CTNNA2: variants seen among roughly 807,000 people sequenced by gnomAD.
CTNNA2 encodes catenin alpha 2.
CTNNA2 carries 42 observed loss-of-function variants against 101.0 expected under a neutral mutation model. The ratio of observed to expected loss-of-function variants is 0.42; its 90% confidence interval spans 0.32 to 0.54. CTNNA2 has a LOEUF of 0.54. Among genes scored for constraint, CTNNA2 ranks in the 20% least tolerant of loss-of-function variants. The probability of loss-of-function intolerance (pLI) is 0.14; values close to 1 mark genes in which losing one functional copy is unlikely to be tolerated. For missense variants in CTNNA2, 871 were observed against 1,223.1 expected, an observed-to-expected ratio of 0.71 and a Z score of 4.29; for synonymous variants, 450 against 456.4, an observed-to-expected ratio of 0.99 and a Z score of 0.18.
chr2:79,999,283 A>G (rs1467667184), intron 7 of CTNNA2, among the ~76,000 whole-genome samples: 1 of 152,176 alleles, frequency 6.6e-6, no homozygotes, highest in African/African-American at 2.4e-5. Flanking sequence ...GCTGCAAGCC[A>G]TCTCACTGCC....
intron 11 of CTNNA2, among the ~76,000 whole-genome samples, chr2:80,552,783 A>G (rs1297255426): frequency 6.6e-6 from 1 of 152,218 alleles, no homozygotes; most frequent in Non-Finnish European, 1.5e-5. Context: ...GTGTATCTAA[A>G]CATGTATAAA....
chr2:80,237,768 C>T (rs1387613318), intron 7 of CTNNA2, among the ~76,000 whole-genome samples: 2 of 152,106 alleles, frequency 1.3e-5, no homozygotes, highest in African/African-American at 4.8e-5. Flanking sequence ...GAATATGAAA[C>T]TCAGGATTGG....
chr2:79,536,037 A>G (rs1156497759), intron 1 of CTNNA2, among the ~76,000 whole-genome samples: 6 of 152,204 alleles, frequency 3.9e-5, no homozygotes, highest in Non-Finnish European at 8.8e-5. Context: ...GAAGGGATGC[A>G]ACGTAGACAG....
intron 14 of CTNNA2, among the ~76,000 whole-genome samples, chr2:80,586,862 GCTA>G (rs1268103790): frequency 6.6e-6 from 1 of 152,132 alleles, no homozygotes; most frequent in Non-Finnish European, 1.5e-5. Context: ...AGTAGATGTG[GCTA>G]CTAGTAAGAA....
chr2:79,637,186 A>G (rs868609051), intron 1 of CTNNA2, among the ~76,000 whole-genome samples: 1 of 152,158 alleles, frequency 6.6e-6, no homozygotes, highest in African/African-American at 2.4e-5. Flanking sequence ...AAGGATATAT[A>G]TATTTTTTAT....
chr2:80,034,216 A>G (rs990074252), intron 7 of CTNNA2, among the ~76,000 whole-genome samples: 1 of 152,048 alleles, frequency 6.6e-6, no homozygotes, highest in African/African-American at 2.4e-5. Flanking sequence ...CATCCCTATA[A>G]AAAGAGATTT....
At chr2:80,576,282 A>G (rs532650448) in intron 13 of CTNNA2, 7 of 152,166 alleles carry the variant, frequency 4.6e-5, no homozygotes, top group African/African-American at 1.2e-4. Flanking sequence ...AACCCTCTGA[A>G]GTAGACAAAG....
At chr2:79,402,216 C>G (rs1308667102) in intron 4 of CTNNA2, among the ~76,000 whole-genome samples, 1 of 151,786 alleles carries the variant, frequency 6.6e-6, no homozygotes, top group East Asian at 1.9e-4. Flanking sequence ...TTGGAGAACT[C>G]AGTACTTCAC....
chr2:80,346,701 C>T (rs954907911), intron 7 of CTNNA2, among the ~76,000 whole-genome samples: 4 of 152,180 alleles, frequency 2.6e-5, no homozygotes, highest in African/African-American at 9.7e-5. Flanking sequence ...CCCTTTCTCT[C>T]TTCCCAAGGT....
chr2:80,582,059 C>T (rs1695589687), intron 14 of CTNNA2, among the ~76,000 whole-genome samples: 2 of 152,108 alleles, frequency 1.3e-5, no homozygotes, highest in Non-Finnish European at 1.5e-5. Flanking sequence ...AACCACATCA[C>T]AGCAAGCTTT....
At chr2:79,327,387 C>G (rs1676770521) in intron 3 of CTNNA2, among the ~76,000 whole-genome samples, 1 of 152,166 alleles carries the variant, frequency 6.6e-6, no homozygotes, top group Non-Finnish European at 1.5e-5. Flanking sequence ...TAAATTTCTT[C>G]AGAATTGATG....
At chr2:79,944,003 A>G (rs997628008) in intron 7 of CTNNA2, among the ~76,000 whole-genome samples, 3 of 152,178 alleles carry the variant, frequency 2.0e-5, no homozygotes, top group South Asian at 2.1e-4. Flanking sequence ...TAATATGCCA[A>G]TTTTTCTTCC....
intron 3 of CTNNA2, among the ~76,000 whole-genome samples, chr2:79,780,804 T>G (rs1333518296): frequency 6.6e-6 from 1 of 152,202 alleles, no homozygotes; most frequent in Non-Finnish European, 1.5e-5. Flanking sequence ...TATACTTTGC[T>G]CATATTTGAT....
intron 9 of CTNNA2, among the ~76,000 whole-genome samples, chr2:80,466,155 T>G (rs1684836323): frequency 6.6e-6 from 1 of 152,202 alleles, no homozygotes. Context: ...GATATTGATT[T>G]GGAAAACTCA....
chr2:79,727,644 G>A (rs1169367572), intron 2 of CTNNA2, among the ~76,000 whole-genome samples: 1 of 151,254 alleles, frequency 6.6e-6, no homozygotes, highest in East Asian at 1.9e-4. Flanking sequence ...AGTTACATAT[G>A]TATACATGTG....
chr2:79,824,041 T>C (rs779987996), intron 3 of CTNNA2, among the ~76,000 whole-genome samples: 14 of 152,020 alleles, frequency 9.2e-5, no homozygotes, highest in Non-Finnish European at 1.8e-4. Context: ...GGAAAGGAAA[T>C]GAGATGAGAT....
chr2:80,076,090 C>G (rs1698727746), intron 7 of CTNNA2, among the ~76,000 whole-genome samples: 1 of 151,812 alleles, frequency 6.6e-6, no homozygotes, highest in African/African-American at 2.4e-5. Context: ...TTATCAAGCC[C>G]TCTTTTCAAA....
chr2:79,275,772 TC>T (rs1368370588), intron 2 of CTNNA2, among the ~76,000 whole-genome samples: 2 of 152,012 alleles, frequency 1.3e-5, no homozygotes, highest in African/African-American at 4.8e-5. Flanking sequence ...ATCGCATTCC[TC>T]CTATGCATTG....
chr2:80,259,797 CTAAG>C (rs1380692077), intron 7 of CTNNA2, among the ~76,000 whole-genome samples: 1 of 152,200 alleles, frequency 6.6e-6, no homozygotes, highest in African/African-American at 2.4e-5. Flanking sequence ...AACTAAGTTA[CTAAG>C]TAATAATGGA....
Sources: allele counts gnomAD v4.1 joint callset (sites outside exome capture counted in the v4.1 genomes callset), GRCh38; gene constraint gnomAD v4.1.1; transcripts MANE v1.5; gene names NCBI Gene and HGNC (gene_info 2026-07-23, HGNC 2026-07-21).